Variants in NEDD4 observed in about 807,000 individuals in gnomAD.
The protein encoded by NEDD4 is E3 ubiquitin-protein ligase NEDD4.
In NEDD4, 99 loss-of-function variants were observed where a neutral mutation model predicts 144.9. The observed-to-expected ratio is 0.68, with a 90% CI of 0.58 to 0.81. NEDD4 has a LOEUF of 0.81. Among genes scored for constraint, NEDD4 ranks in the 30% least tolerant of loss-of-function variants. The pLI is 0.00. For missense variants in NEDD4, 985 were observed against 1,065.9 expected (o/e 0.92, Z 1.06); for synonymous variants, 318 against 350.6 (o/e 0.91, Z 1.04).
chr15:55,980,923 A>G (rs1230988100), intron 1 of NEDD4, among the ~76,000 whole-genome samples: 2 of 152,228 alleles, frequency 1.3e-5, no homozygotes, highest in Non-Finnish European at 2.9e-5. Flanking sequence ...TGAAATAAAT[A>G]ATTATAAACA....
chr15:55,936,646 T>C (rs2142263678), intron 4 of NEDD4, among the ~76,000 whole-genome samples: 1 of 152,332 alleles, frequency 6.6e-6, no homozygotes, highest in South Asian at 2.1e-4. Context: ...ACCTGCAGAA[T>C]GTAGGAAATG....
chr15:55,838,399 G>T, intron 22 of NEDD4, 110 bp downstream of exon 22: 2 of 807,398 alleles, frequency 2.5e-6, no homozygotes, highest in Non-Finnish European at 2.0e-6. Flanking sequence ...TTTTGTTACT[G>T]GGAAATGAAT....
At chr15:55,974,290 A>C (rs1388625190) in intron 1 of NEDD4, among the ~76,000 whole-genome samples, 11 of 152,218 alleles carry the variant, frequency 7.2e-5, no homozygotes, top group African/African-American at 2.7e-4. Flanking sequence ...CTCCCAGCAA[A>C]GAGAAGCCTA....
chr15:55,949,539 T>A (rs1185399017), intron 4 of NEDD4, among the ~76,000 whole-genome samples: 2 of 152,136 alleles, frequency 1.3e-5, no homozygotes, highest in Non-Finnish European at 2.9e-5. Context: ...TAGCAAAGAC[T>A]TGGAACCAAC....
intron 5 of NEDD4, among the ~76,000 whole-genome samples, chr15:55,914,572 T>G (rs1357587958): frequency 6.6e-6 from 1 of 151,954 alleles, no homozygotes; most frequent in East Asian, 1.9e-4. Context: ...AATTCAATAT[T>G]GTTGAAAGAG....
chr15:55,992,430 A>G (rs1225170058), intron 1 of NEDD4, among the ~76,000 whole-genome samples: 2 of 152,250 alleles, frequency 1.3e-5, no homozygotes, highest in African/African-American at 4.8e-5. Flanking sequence ...CAAGGTACTA[A>G]GAGAAGGAAC....
Position 55,832,937 on chromosome 15 carries a change from C to T in NEDD4, c.2527+71G>A, listed in dbSNP as rs8024944. ...AGTGTTAGTAAATGATGGAAGCTTG[C>T]GGATTCGTCAGCCATGAAAAAGACA... On this transcript the variant is annotated intron_variant, in intron 27 of 28. Transcript: ENST00000435532. 1.5e-4 allele frequency: 147 copies of T among 1,013,358 alleles called. 1 individual carries two copies. In the East Asian group the frequency reaches 3.3e-3, roughly 23 times the overall value. The allele number at this position is 1,013,358 out of a possible 1,614,324, so 62.8% of individuals were successfully genotyped here.
chr15:55,868,331 T>C (rs9806347), intron 8 of NEDD4, among the ~76,000 whole-genome samples: 109,616 of 152,040 alleles, frequency 0.72, 40,036 homozygotes, highest in Non-Finnish European at 0.8. Context: ...CCAGAGCAAT[T>C]TGGTGCCATA....
rs769676477 is a variant in NEDD4, at chr15:55,866,442, G to A, written c.507+3137C>T. On this transcript the variant is annotated intron_variant, in intron 8 of 28. Transcript: ENST00000435532. ...TTGCATATATTGAATCAGACTGTAT[G>A]TTTCTGGTTTCAATCCCAAAACACG... 3.4e-4 allele frequency among the ~76,000 whole-genome samples: 52 copies of A among 151,698 alleles called. 2 individuals carry two copies. Among genetic ancestry groups the A allele is most frequent in the Admixed American group, 1.6e-3 (24 of 15,234 alleles).
intron 1 of NEDD4, among the ~76,000 whole-genome samples, chr15:55,990,532 C>T (rs1459732329): frequency 2.0e-5 from 3 of 152,170 alleles, no homozygotes; most frequent in Non-Finnish European, 2.9e-5. Flanking sequence ...GGAATACTTT[C>T]GCAGAAAATT....
chr15:55,917,209 A>G (rs1411166485), intron 5 of NEDD4: 2 of 768,784 alleles, frequency 2.6e-6, no homozygotes, highest in Non-Finnish European at 3.2e-6. Flanking sequence ...CAAGAACAAC[A>G]ATCTTCTAAC....
At chr15:55,846,559 T>C (rs1274534090) in intron 18 of NEDD4, among the ~76,000 whole-genome samples, 2 of 152,160 alleles carry the variant, frequency 1.3e-5, no homozygotes, top group South Asian at 2.1e-4. Context: ...CCGTAGAGAA[T>C]GAATGACTTT....
At chr15:55,874,315 G>A (rs2034913237) in intron 5 of NEDD4, among the ~76,000 whole-genome samples, 1 of 152,038 alleles carries the variant, frequency 6.6e-6, no homozygotes, top group Non-Finnish European at 1.5e-5. Flanking sequence ...CTTCAAAGAA[G>A]GAACTACACT....
chr15:55,871,945 A>C (rs1189308762), intron 7 of NEDD4, among the ~76,000 whole-genome samples: 1 of 152,170 alleles, frequency 6.6e-6, no homozygotes, highest in African/African-American at 2.4e-5. Flanking sequence ...GGAAAATGGA[A>C]TTATAAGCAT....
At chr15:55,915,767 A>G in intron 5 of NEDD4, 4 of 1,613,736 alleles carry the variant, frequency 2.5e-6, no homozygotes, top group Non-Finnish European at 3.4e-6. Flanking sequence ...TATTCGAAAG[A>G]ACAATTTTCT....
At chr15:55,874,136 A>G (rs2034907787) in intron 5 of NEDD4, 128 bp from the exon 6 acceptor site, 1 of 481,154 alleles carries the variant, frequency 2.1e-6, no homozygotes, top group Non-Finnish European at 3.8e-6. Context: ...TGCAGCATCA[A>G]TGGAAAATAA....
chr15:55,858,159 A>G (rs1367088160), intron 11 of NEDD4, among the ~76,000 whole-genome samples: 1 of 152,168 alleles, frequency 6.6e-6, no homozygotes, highest in Non-Finnish European at 1.5e-5. Flanking sequence ...GTTCCATCCA[A>G]CATATACACT....
intron 21 of NEDD4, among the ~76,000 whole-genome samples, chr15:55,839,770 G>C (rs2033381423): frequency 6.6e-6 from 1 of 151,600 alleles, no homozygotes; most frequent in South Asian, 2.1e-4. Context: ...GAGGTCAAAA[G>C]ACTGAGACCA....
chr15:55,864,055 GC>G (rs1218661363), intron 8 of NEDD4, among the ~76,000 whole-genome samples: 2 of 152,128 alleles, frequency 1.3e-5, no homozygotes, highest in Non-Finnish European at 2.9e-5. Flanking sequence ...TTAACAAGGG[GC>G]AAAATTAACA....
Sources: gnomAD v4.1 joint callset for allele counts (sites outside exome capture counted in the v4.1 genomes callset) on GRCh38, gnomAD v4.1.1 for gene constraint, MANE v1.5 for transcripts, NCBI Gene and HGNC (gene_info 2026-07-23, HGNC 2026-07-21) for gene names.